The following ADCK2 variants were observed in gnomAD, a reference collection of about 807,000 sequenced individuals.
ADCK2 encodes the protein aarF domain containing kinase 2.
A neutral mutation model predicts 52.3 loss-of-function variants in ADCK2; 37 were observed. The observed-to-expected ratio is 0.71, with a 90% CI of 0.54 to 0.93. The LOEUF (loss-of-function observed/expected upper bound fraction) is 0.93, where lower values mean the gene tolerates loss of function less well. Ranked by LOEUF, ADCK2 falls within the 40% of genes least tolerant of loss-of-function variation. The pLI, the probability that ADCK2 is intolerant of heterozygous loss-of-function variation, is 0.00. For missense variants in ADCK2, 695 were observed against 798.7 expected, an observed-to-expected ratio of 0.87 and a Z score of 1.56; for synonymous variants, 321 against 349.2, an observed-to-expected ratio of 0.92 and a Z score of 0.90.
chr7:140,688,998 C>T (rs565726261), intron 5 of ADCK2, among the ~76,000 whole-genome samples: 53 of 151,132 alleles, frequency 3.5e-4, no homozygotes, highest in African/African-American at 1.3e-3. Context: ...GATGGAATCT[C>T]ACTCTGTTCC....
rs1794742614 is a variant in ADCK2 at position 140,693,542 on chromosome 7, G to A, written c.1741-1121G>A. 6.6e-6 allele frequency among the ~76,000 whole-genome samples: 1 copy of A among 152,218 alleles called. No homozygotes were observed. The highest frequency in any genetic ancestry group is 1.5e-5 in the Non-Finnish European group (1 of 68,048). ...ATTCCTCCTCACTCAGTGGCCTTGAGCAAGTCATTGAACCTCTCTGAGCCA... is the reference window on the plus strand; with the variant it reads ...ATTCCTCCTCACTCAGTGGCCTTGAACAAGTCATTGAACCTCTCTGAGCCA... On this transcript the variant is annotated intron_variant, in intron 7 of 7. Coordinates refer to ENST00000072869, the MANE Select transcript of ADCK2 (RefSeq NM_052853.4). The surrounding 1 kb of genome is among the most constrained non-coding windows in gnomAD (Gnocchi z 4.0).
At chr7:140,690,577 T>C (rs931209428) in intron 6 of ADCK2, among the ~76,000 whole-genome samples, 183 bp from the exon 7 acceptor site, 1 of 151,786 alleles carries the variant, frequency 6.6e-6, no homozygotes, top group African/African-American at 2.4e-5. Flanking sequence ...GAGGTGGAGT[T>C]GGGCTTGTGC....
chr7:140,679,406 G>A, intron 3 of ADCK2, 123 bp downstream of exon 3: 1 of 1,417,304 alleles, frequency 7.1e-7, no homozygotes, highest in Non-Finnish European at 9.6e-7. Context: ...AAACTGTGAG[G>A]AGCTGGGATG....
intron 5 of ADCK2, 109 bp from the exon 6 acceptor site, chr7:140,689,488 G>C: frequency 2.9e-6 from 4 of 1,370,724 alleles, no homozygotes; most frequent in Non-Finnish European, 4.0e-6. Flanking sequence ...CCAAAAGCAA[G>C]ATGCCAGAAA....
rs750360156 is a variant in ADCK2, at chr7:140,674,560, T to TA, written c.934-47dup. ...ATGGTGGGACCCAGCCCTGGCTGGG[T>TA]AAAATGTGTCCAGCAGGTTTCTCCT... On this transcript the variant is annotated intron_variant, in intron 1 of 7. Transcript: ENST00000072869. This position sits in a 1 kb window ranked among gnomAD's most constrained non-coding sequence, Gnocchi z 4.6. The TA allele has an allele frequency of 7.6e-6, 12 of 1,578,400 alleles. No individual in the cohort carries two copies. The highest frequency in any genetic ancestry group is 2.3e-4 in the Middle Eastern group (1 of 4,376).
rs1794774686 is a variant in ADCK2, at chr7:140,694,957, T to TGAG, written c.*156_*158dup. 1 of 1,405,836 alleles carries TGAG rather than the reference T, an allele frequency of 7.1e-7. No homozygotes were observed. Among genetic ancestry groups the TGAG allele is most frequent in the African/African-American group, 1.4e-5 (1 of 69,086 alleles). 87.1% of individuals were successfully genotyped at this position (1,405,836 alleles called of 1,614,324 possible). Reference sequence around the variant, plus strand: ...ACACCATGGCTTCCTCTGCTTGGTTTGAGGGTCTGTTCAAAAGCTTTGGGC... The same window carrying TGAG: ...ACACCATGGCTTCCTCTGCTTGGTTTGAGGAGGGTCTGTTCAAAAGCTTTGGGC... On this transcript the variant is annotated 3_prime_UTR_variant, in exon 8 of 8. Coordinates refer to ENST00000072869, the MANE Select transcript of ADCK2 (RefSeq NM_052853.4).
intron 4 of ADCK2, among the ~76,000 whole-genome samples, chr7:140,684,962 C>T (rs1419619449): frequency 6.6e-6 from 1 of 152,036 alleles, no homozygotes; most frequent in Non-Finnish European, 1.5e-5. Context: ...AGGGGAGAAG[C>T]ACCATGAAGC....
At position 140,673,787 on chromosome 7, in the gene ADCK2, A is replaced by C; in HGVS notation, c.457A>C (p.Ser153Arg). ...PTYIKLGQWASTRRDLFSEAF... is the reference protein window; with the variant it reads ...PTYIKLGQWARTRRDLFSEAF... ...CTACATCAAACTGGGCCAGTGGGCC[A>C]GCACCCGGCGCGATCTGTTTTCGGA... The change falls in exon 1 of 8, where the codon AGC (serine) becomes CGC (arginine). Residue 153 changes from serine to arginine, a missense_variant. Coordinates refer to ENST00000072869, the MANE Select transcript of ADCK2 (RefSeq NM_052853.4). The surrounding 1 kb of genome is among the most constrained non-coding windows in gnomAD (Gnocchi z 6.4). 1.2e-6 allele frequency: 2 copies of C among 1,611,754 alleles called. No individual in the cohort carries two copies. Among genetic ancestry groups the C allele is most frequent in the Non-Finnish European group, 1.7e-6 (2 of 1,179,798 alleles).
chr7:140,674,675 G>A lies in ADCK2; in HGVS notation c.998G>A (p.Arg333Gln), dbSNP rs758167936. 4 of 1,614,148 alleles carry A rather than the reference G, an allele frequency of 2.5e-6. No homozygotes were observed. Among genetic ancestry groups the A allele is most frequent in the East Asian group, 2.2e-5 (1 of 44,882 alleles). ...MDLLLMKIGS[R>Q]VLGVLPGIKW... ...CTGCTGCTGATGAAGATTGGCAGCC[G>A]AGTCCTGGGAGTTTTGCCAGGCATC... The change falls in exon 2 of 8, where the codon CGA (arginine) becomes CAA (glutamine). Residue 333 changes from arginine (R) to glutamine (Q), a missense_variant. By Grantham distance (43) the Arg-to-Gln change is conservative (BLOSUM62 1). Transcript: ENST00000072869. The surrounding 1 kb of genome is among the most constrained non-coding windows in gnomAD (Gnocchi z 4.6).
chr7:140,674,037 C>A lies in ADCK2; in HGVS notation c.707C>A (p.Ser236Tyr). The stretch of plus-strand genomic sequence containing the variant: ...AGCGTCCAGAGACTTGGCAGGGCCT[C>A]CTGTCTGCCGCCCTTCTCACATACT... ...TDSVQRLGRA[S>Y]CLPPFSHTGA... Residue 236 changes from serine (S) to tyrosine (Y), a missense_variant, in exon 1 of 8, where the codon TCC (serine) becomes TAC (tyrosine). Transcript: ENST00000072869. The surrounding 1 kb of genome is among the most constrained non-coding windows in gnomAD (Gnocchi z 4.6). 6.2e-7 allele frequency: 1 copy of A among 1,614,126 alleles called. No individual in the cohort carries two copies. The highest frequency in any genetic ancestry group is 8.5e-7 in the Non-Finnish European group (1 of 1,180,038).
At chr7:140,680,998 A>T in intron 3 of ADCK2, 44 bp from the exon 4 acceptor site, 1 of 1,584,610 alleles carries the variant, frequency 6.3e-7, no homozygotes, top group Non-Finnish European at 8.7e-7. Context: ...CCAGCATCAC[A>T]GGCTGGCTGG....
At chr7:140,684,820 C>T (rs1056381645) in intron 4 of ADCK2, among the ~76,000 whole-genome samples, 11 of 152,308 alleles carry the variant, frequency 7.2e-5, no homozygotes, top group Non-Finnish European at 1.5e-4. Flanking sequence ...GCTCCCACCC[C>T]TCTGGCTCCT....
At chr7:140,687,368 C>T (rs1794623805) in intron 5 of ADCK2, 127 bp downstream of exon 5, 2 of 1,320,942 alleles carry the variant, frequency 1.5e-6, no homozygotes, top group Admixed American at 5.6e-5. Flanking sequence ...TTGCTTGAGC[C>T]CAGGAGTTCA....
intron 4 of ADCK2, among the ~76,000 whole-genome samples, chr7:140,682,603 T>C (rs1161660870): frequency 6.6e-6 from 1 of 152,150 alleles, no homozygotes; most frequent in Non-Finnish European, 1.5e-5. Flanking sequence ...CTTTAAAAAA[T>C]TGAATTCCAA....
Position 140,673,620 on chromosome 7 carries a change from T to G in ADCK2, c.290T>G (p.Leu97Arg). Residue 97 changes from leucine to arginine, a missense_variant, in exon 1 of 8, where the codon CTC becomes CGC. Leu to Arg is a moderately radical substitution (Grantham distance 102). Coordinates refer to ENST00000072869, the MANE Select transcript of ADCK2 (RefSeq NM_052853.4). The surrounding 1 kb of genome is among the most constrained non-coding windows in gnomAD (Gnocchi z 6.4). ...AGPLGGVFLH[L>R]RLWLRAGALL... ...CCTCTGGGCGGCGTCTTCCTGCATC[T>G]CCGCCTCTGGCTTCGCGCCGGCGCT... is the stretch of plus-strand genomic sequence containing the variant. The G allele has an allele frequency of 6.2e-7, 1 of 1,609,288 alleles. No individual in the cohort carries two copies. The highest frequency in any genetic ancestry group is 8.5e-7 in the Non-Finnish European group (1 of 1,179,932).
At position 140,681,100 on chromosome 7, in the gene ADCK2, A is replaced by C. The variant is rs758695329; in HGVS notation, c.1268A>C (p.Lys423Thr). 5.6e-6 allele frequency: 9 copies of C among 1,614,004 alleles called. No individual in the cohort carries two copies. Among genetic ancestry groups the C allele is most frequent in the Admixed American group, 1.7e-5 (1 of 59,984 alleles). The change falls in exon 4 of 8, where the codon AAG becomes ACG. Residue 423 changes from lysine (K) to threonine (T), a missense_variant. Lys to Thr is a moderately conservative substitution (Grantham distance 78, BLOSUM62 -1). Coordinates refer to ENST00000072869, the MANE Select transcript of ADCK2 (RefSeq NM_052853.4). ...QAGIPVDLKR[K>T]IARLGINMLL... ...GGAATTCCCGTGGACTTGAAAAGGAAGATTGCACGGCTGGGGATCAACATG... is the reference window on the plus strand; with the variant it reads ...GGAATTCCCGTGGACTTGAAAAGGACGATTGCACGGCTGGGGATCAACATG...
At position 140,673,921 on chromosome 7, in the gene ADCK2, CCT is replaced by C. The variant is rs752504827; in HGVS notation, c.596_597del (p.Ser199PhefsTer2). On this transcript the variant is annotated frameshift_variant, in exon 1 of 8. Coordinates refer to ENST00000072869, the MANE Select transcript of ADCK2 (RefSeq NM_052853.4). LOFTEE classifies it high-confidence loss of function. The surrounding 1 kb of genome is among the most constrained non-coding windows in gnomAD (Gnocchi z 6.4). ...CTTTTGGGGATGACTGGGGGAGCATCCTCTCTTTTGAGAACCGGGAACCTGTG... is the reference window on the plus strand; with the variant it reads ...CTTTTGGGGATGACTGGGGGAGCATCCTCTTTTGAGAACCGGGAACCTGTG... ...QAFGDDWGSI[L>X]SFENREPVGS... 365 of 1,613,874 alleles carry C rather than the reference CCT, an allele frequency of 2.3e-4. 1 individual carries two copies. The highest frequency in any genetic ancestry group is 2.2e-4 in the Non-Finnish European group (261 of 1,180,060).
At chr7:140,689,075 C>T (rs1394442194) in intron 5 of ADCK2, among the ~76,000 whole-genome samples, 1 of 151,564 alleles carries the variant, frequency 6.6e-6, no homozygotes, top group Non-Finnish European at 1.5e-5. Context: ...TCAAGTGATT[C>T]TCCTGCCTCA....
At chr7:140,684,477 T>C (rs768279595) in intron 4 of ADCK2, among the ~76,000 whole-genome samples, 22 of 151,678 alleles carry the variant, frequency 1.5e-4, no homozygotes, top group Non-Finnish European at 2.8e-4. Context: ...CAGAGGACAG[T>C]GGTTGAAGGG....
Sources: gnomAD v4.1 joint callset for allele counts (sites outside exome capture counted in the v4.1 genomes callset) on GRCh38, gnomAD v4.1.1 for gene constraint, Gnocchi (gnomAD v3.1) non-coding constraint, MANE v1.5 for transcripts, NCBI Gene and HGNC (gene_info 2026-07-23, HGNC 2026-07-21) for gene names.